Variants in ELMO1 observed in about 807,000 individuals in gnomAD.
ELMO1 encodes the protein engulfment and cell motility protein 1.
ELMO1 carries 26 observed loss-of-function variants against 98.9 expected under a neutral mutation model. The observed-to-expected ratio is 0.26, with a 90% confidence interval of 0.19 to 0.36. The LOEUF (loss-of-function observed/expected upper bound fraction) is 0.36. ELMO1 is among the 10% of genes least tolerant of loss of function. ELMO1 has a pLI of 1.00. For missense variants in ELMO1, 627 were observed against 935.2 expected, an observed-to-expected ratio of 0.67 and a Z score of 4.30; for synonymous variants, 346 against 346.0, an observed-to-expected ratio of 1.00 and a Z score of 0.00.
At chr7:37,038,963 C>T (rs1795342850) in intron 15 of ELMO1, among the ~76,000 whole-genome samples, 1 of 152,174 alleles carries the variant, frequency 6.6e-6, no homozygotes, top group South Asian at 2.1e-4. Context: ...CTCCTAATGG[C>T]CCAATCTCCA....
intron 1 of ELMO1, among the ~76,000 whole-genome samples, chr7:37,390,231 C>T (rs1261654537): frequency 6.6e-6 from 1 of 152,210 alleles, no homozygotes; most frequent in East Asian, 1.9e-4. Context: ...ATAAAGTCAG[C>T]CCCTTAACTG....
chr7:37,026,630 C>A (rs41386347), intron 15 of ELMO1, among the ~76,000 whole-genome samples: 7,903 of 152,176 alleles, frequency 0.052, 591 homozygotes, highest in African/African-American at 0.17. Flanking sequence ...ATAATTTATA[C>A]CTCTGTGTCA....
intron 13 of ELMO1, among the ~76,000 whole-genome samples, chr7:37,190,826 T>G (rs1404494397): frequency 6.6e-6 from 1 of 152,128 alleles, no homozygotes; most frequent in East Asian, 1.9e-4. Flanking sequence ...AAATTCATTT[T>G]GAAAAAAATT....
chr7:36,887,514 C>A, intron 18 of ELMO1, 46 bp downstream of exon 18: 1 of 1,572,370 alleles, frequency 6.4e-7, no homozygotes, highest in Non-Finnish European at 8.7e-7. Flanking sequence ...AGGGAGCGGG[C>A]CACTGTTTAC....
chr7:37,163,352 TA>T (rs1203688579), intron 13 of ELMO1, among the ~76,000 whole-genome samples: 34 of 152,182 alleles, frequency 2.2e-4, no homozygotes, highest in African/African-American at 8.0e-4. Context: ...TTTTTTTTTT[TA>T]TTATTATACT....
At chr7:37,344,033 A>ATTTTTTTTTT (rs10626425) in intron 1 of ELMO1, among the ~76,000 whole-genome samples, 1 of 134,598 alleles carries the variant, frequency 7.4e-6, no homozygotes, top group Non-Finnish European at 1.6e-5. Flanking sequence ...AAAAGGCAGC[A>ATTTTTTTTTT]TTTTTTTTTT....
At chr7:37,332,579 A>C (rs556083874) in intron 2 of ELMO1, among the ~76,000 whole-genome samples, 1 of 152,396 alleles carries the variant, frequency 6.6e-6, no homozygotes, top group South Asian at 2.1e-4. Context: ...CAGGTGTTAG[A>C]CATGCAGAGA....
chr7:37,337,528 A>T (rs999599496), intron 2 of ELMO1, among the ~76,000 whole-genome samples: 115 of 149,082 alleles, frequency 7.7e-4, no homozygotes, highest in Non-Finnish European at 1.3e-3. Context: ...AAGTATAAAA[A>T]AAAAAAAAAA....
intron 2 of ELMO1, among the ~76,000 whole-genome samples, chr7:37,329,151 C>T (rs1799970314): frequency 6.6e-6 from 1 of 152,134 alleles, no homozygotes; most frequent in Non-Finnish European, 1.5e-5. Context: ...ATGGATGACC[C>T]TCTTTGCATA....
chr7:37,082,296 G>A (rs1412350368), intron 15 of ELMO1, among the ~76,000 whole-genome samples: 1 of 150,872 alleles, frequency 6.6e-6, no homozygotes, highest in Admixed American at 6.6e-5. Context: ...GAAAACAGAG[G>A]GATTTTTTTT....
At chr7:37,271,961 G>A (rs907372722) in intron 4 of ELMO1, 79 bp from the exon 5 acceptor site, 57 of 1,249,174 alleles carry the variant, frequency 4.6e-5, no homozygotes, top group Non-Finnish European at 6.2e-5. Context: ...ATATAATCTA[G>A]CAGATATAAC....
chr7:36,999,538 G>C (rs777532435), intron 16 of ELMO1, among the ~76,000 whole-genome samples: 8 of 152,220 alleles, frequency 5.3e-5, no homozygotes, highest in Non-Finnish European at 1.0e-4. Flanking sequence ...TCCTGACTTA[G>C]ACTTTACTAC....
chr7:37,193,174 G>GC (rs1245367717), intron 13 of ELMO1, among the ~76,000 whole-genome samples: 3 of 151,840 alleles, frequency 2.0e-5, no homozygotes, highest in Non-Finnish European at 1.5e-5. Flanking sequence ...ACCTTGTAAA[G>GC]TAAAAAATTC....
intron 16 of ELMO1, among the ~76,000 whole-genome samples, chr7:36,978,194 T>A (rs1268809030): frequency 6.6e-6 from 1 of 152,146 alleles, no homozygotes; most frequent in African/African-American, 2.4e-5. Flanking sequence ...ATAAGGTAAC[T>A]GCATGCTACT....
intron 13 of ELMO1, among the ~76,000 whole-genome samples, chr7:37,152,960 C>T (rs955480308): frequency 3.3e-5 from 5 of 152,066 alleles, no homozygotes; most frequent in Non-Finnish European, 7.4e-5. Context: ...GGGTATCTGC[C>T]GGAGCGGACA....
chr7:37,175,355 G>T (rs1354152322), intron 13 of ELMO1, among the ~76,000 whole-genome samples: 1 of 152,204 alleles, frequency 6.6e-6, no homozygotes, highest in Non-Finnish European at 1.5e-5. Context: ...TCAATGTCCA[G>T]TTGGAACGGC....
At position 37,420,884 on chromosome 7, in the gene ELMO1, C is replaced by T. The variant is rs142288117; in HGVS notation, c.-74+27791G>A. On this transcript the variant is annotated intron_variant, in intron 1 of 21. Transcript: ENST00000310758. ...CTCTCTTCGGATGCCTGTATCACAA[C>T]TGCCTTACTAATTTGGCATCTTTCA... 5.2e-4 allele frequency among the ~76,000 whole-genome samples: 79 copies of T among 152,366 alleles called. No individual in the cohort carries two copies. The East Asian group carries it at 0.015, about 29-fold the overall frequency.
chr7:37,174,386 A>G (rs1213579514), intron 13 of ELMO1, among the ~76,000 whole-genome samples: 2 of 152,132 alleles, frequency 1.3e-5, no homozygotes, highest in Non-Finnish European at 2.9e-5. Context: ...GTCTAGTTTA[A>G]TCACCAAAAA....
chr7:36,924,776 C>G (rs1183074386), intron 16 of ELMO1, among the ~76,000 whole-genome samples: 1 of 151,990 alleles, frequency 6.6e-6, no homozygotes, highest in South Asian at 2.1e-4. Flanking sequence ...GTGGCACTGG[C>G]CAACTGGAAG....
Sources: allele counts gnomAD v4.1 joint callset (sites outside exome capture counted in the v4.1 genomes callset), GRCh38; gene constraint gnomAD v4.1.1; transcripts MANE v1.5; gene names NCBI Gene and HGNC (gene_info 2026-07-23, HGNC 2026-07-21).